The following RBM6 variants were observed in gnomAD, a reference collection of about 807,000 sequenced individuals.
RBM6 encodes the protein RNA-binding protein 6.
A neutral mutation model predicts 140.4 loss-of-function variants in RBM6; 23 were observed. The observed-to-expected ratio is 0.16, with a 90% CI of 0.12 to 0.23. The LOEUF (loss-of-function observed/expected upper bound fraction) is 0.23, where lower values mean the gene tolerates loss of function less well. RBM6 is among the 10% of genes least tolerant of loss of function. The probability of loss-of-function intolerance (pLI) is 1.00; values close to 1 mark genes in which losing one functional copy is unlikely to be tolerated. For synonymous variants in RBM6, 439 were observed against 475.6 expected (o/e 0.92, Z 1.00); for missense variants, 1,139 against 1,386.7 (o/e 0.82, Z 2.84).
intron 6 of RBM6, among the ~76,000 whole-genome samples, chr3:50,031,468 A>C (rs1180197806): frequency 6.6e-6 from 1 of 152,112 alleles, no homozygotes; most frequent in Middle Eastern, 3.2e-3. Flanking sequence ...CATTCTGAGC[A>C]AACTATCTAA....
intron 6 of RBM6, among the ~76,000 whole-genome samples, chr3:50,019,992 C>T (rs1329900520): frequency 2.0e-5 from 3 of 151,552 alleles, no homozygotes; most frequent in African/African-American, 7.3e-5. Flanking sequence ...AATCACAGCT[C>T]ACTATAACCT....
At chr3:50,002,660 G>A (rs1054433728) in intron 6 of RBM6, among the ~76,000 whole-genome samples, 1 of 152,196 alleles carries the variant, frequency 6.6e-6, no homozygotes, top group Non-Finnish European at 1.5e-5. Flanking sequence ...GCCTCCCAAA[G>A]TGCTGGGATG....
At chr3:50,061,652 T>TTC in intron 14 of RBM6, 105 bp downstream of exon 14, 1 of 1,502,994 alleles carries the variant, frequency 6.7e-7, no homozygotes, top group South Asian at 1.3e-5. Flanking sequence ...ATTCCCTGGA[T>TTC]TCTCTGGATG....
Position 50,061,550 on chromosome 3 carries a change from G to A in RBM6, c.2439+3G>A. The A allele has an allele frequency of 6.9e-7, 1 of 1,453,332 alleles. No homozygotes were observed. The highest frequency in any genetic ancestry group is 9.3e-7 in the Non-Finnish European group (1 of 1,078,444). 90.0% of individuals were successfully genotyped at this position (1,453,332 alleles called of 1,614,324 possible). ...CTTATTATGACCCCAATACCCAGGT[G>A]AGTTTGGGGCTTTTTTTTTTTTTTT... On this transcript the variant is annotated splice_donor_region_variant and intron_variant, in intron 14 of 20. Coordinates refer to ENST00000266022, the MANE Select transcript of RBM6 (RefSeq NM_005777.3).
At chr3:50,065,345 CTCTT>C (rs1262517158) in intron 16 of RBM6, among the ~76,000 whole-genome samples, 1 of 152,246 alleles carries the variant, frequency 6.6e-6, no homozygotes, top group Non-Finnish European at 1.5e-5. Context: ...GTTATCTGGA[CTCTT>C]TCTCTCTGCC....
chr3:50,028,073 T>G (rs1252694256), intron 6 of RBM6, among the ~76,000 whole-genome samples: 1 of 152,132 alleles, frequency 6.6e-6, no homozygotes, highest in African/African-American at 2.4e-5. Context: ...TGTTTTTTTT[T>G]TTTTAACTAG....
chr3:50,007,725 G>C (rs1283083599), intron 6 of RBM6, among the ~76,000 whole-genome samples: 5 of 151,756 alleles, frequency 3.3e-5, no homozygotes, highest in African/African-American at 1.2e-4. Flanking sequence ...AGTAGAGACG[G>C]GGTTTCACCA....
intron 10 of RBM6, chr3:50,058,956 T>G (rs939825426): frequency 2.5e-5 from 4 of 162,894 alleles, no homozygotes; most frequent in African/African-American, 9.6e-5. Flanking sequence ...CTTGATCATT[T>G]GAATTCTTGT....
At chr3:49,979,740 C>T (rs1467971084) in intron 5 of RBM6, among the ~76,000 whole-genome samples, 1 of 152,058 alleles carries the variant, frequency 6.6e-6, no homozygotes, top group Non-Finnish European at 1.5e-5. Flanking sequence ...TGTGCCCAGC[C>T]AGCTTACAAT....
At chr3:49,973,086 C>T (rs576678297) in intron 4 of RBM6, among the ~76,000 whole-genome samples, 1 of 152,228 alleles carries the variant, frequency 6.6e-6, no homozygotes, top group South Asian at 2.1e-4. Context: ...CTGCTTCTGC[C>T]TCCCAAAGTA....
intron 15 of RBM6, among the ~76,000 whole-genome samples, chr3:50,063,372 C>G (rs2090010266): frequency 6.6e-6 from 1 of 151,944 alleles, no homozygotes. Flanking sequence ...GTTGGGAGGC[C>G]AAGACAGGTG....
intron 6 of RBM6, among the ~76,000 whole-genome samples, chr3:50,046,583 GAAAA>G (rs75244837): frequency 8.0e-6 from 1 of 124,252 alleles, no homozygotes; most frequent in Non-Finnish European, 1.7e-5. Flanking sequence ...CTGTCTCAGG[GAAAA>G]AAAAAAAAAA....
intron 14 of RBM6, 37 bp downstream of exon 14, chr3:50,061,584 T>TTC (rs1553670222): frequency 7.8e-7 from 1 of 1,277,948 alleles, no homozygotes; most frequent in Non-Finnish European, 1.1e-6. Context: ...TTTTTTTTTT[T>TTC]ACCTCTGTCA....
chr3:49,979,990 G>T (rs539296373), intron 5 of RBM6, among the ~76,000 whole-genome samples: 1 of 152,006 alleles, frequency 6.6e-6, no homozygotes, highest in Admixed American at 6.6e-5. Flanking sequence ...TTATGTTAGA[G>T]AACATCTTTT....
intron 5 of RBM6, among the ~76,000 whole-genome samples, chr3:49,997,190 G>T (rs2086124263): frequency 6.6e-6 from 1 of 151,400 alleles, no homozygotes; most frequent in African/African-American, 2.4e-5. Context: ...GTTTTAGGCA[G>T]TATAGTTAAA....
chr3:50,068,220 T>C (rs1443756024), intron 17 of RBM6, among the ~76,000 whole-genome samples: 1 of 152,172 alleles, frequency 6.6e-6, no homozygotes, highest in Admixed American at 6.5e-5. Context: ...ACTCCTTAAG[T>C]TTCATACATA....
At chr3:50,028,364 A>G (rs764306411) in intron 6 of RBM6, among the ~76,000 whole-genome samples, 54 of 152,206 alleles carry the variant, frequency 3.5e-4, no homozygotes, top group Non-Finnish European at 6.6e-4. Context: ...AATGCAGAGC[A>G]ATGCAGGATA....
At chr3:50,058,149 A>G in intron 9 of RBM6, 146 bp downstream of exon 9, 22 of 1,054,870 alleles carry the variant, frequency 2.1e-5, no homozygotes, top group Non-Finnish European at 2.7e-5. Context: ...CTGTCTGTGG[A>G]CCTTCCTGTA....
rs114732077 is a variant in RBM6 at position 49,969,974 on chromosome 3, C to T, written c.1323+1226C>T. On this transcript the variant is annotated intron_variant, in intron 3 of 20. Coordinates refer to ENST00000266022, the MANE Select transcript of RBM6 (RefSeq NM_005777.3). Reference sequence around the variant, plus strand: ...TTTCTTTTTTGAGATGGAGCCTCACCGTGTTGCCTAGGCTGGAGTGCAGTG... The same window carrying T: ...TTTCTTTTTTGAGATGGAGCCTCACTGTGTTGCCTAGGCTGGAGTGCAGTG... 5.8e-3 allele frequency among the ~76,000 whole-genome samples: 886 copies of T among 151,850 alleles called. 15 individuals carry two copies. The highest frequency in any genetic ancestry group is 0.02 in the African/African-American group (811 of 41,412).
Sources: gnomAD v4.1 joint callset for allele counts (sites outside exome capture counted in the v4.1 genomes callset) on GRCh38, gnomAD v4.1.1 for gene constraint, MANE v1.5 for transcripts, NCBI Gene and HGNC (gene_info 2026-07-23, HGNC 2026-07-21) for gene names.